The following UNC13B variants were observed in gnomAD, a reference collection of about 807,000 sequenced individuals.
The protein encoded by UNC13B is protein unc-13 homolog B.
Under a neutral mutation model 211.0 loss-of-function variants are expected in UNC13B, and 144 were observed. The ratio of observed to expected loss-of-function variants is 0.68; its 90% CI spans 0.60 to 0.78. The LOEUF is 0.78. Among genes scored for constraint, UNC13B ranks in the 30% least tolerant of loss-of-function variants. The pLI, the probability that UNC13B is intolerant of heterozygous loss-of-function variation, is 0.00. For missense variants in UNC13B, 1,777 were observed against 2,002.0 expected (o/e 0.89, Z 2.14); for synonymous variants, 709 against 725.8 (o/e 0.98, Z 0.37).
chr9:35,334,145 T>C (rs892447932), intron 11 of UNC13B, among the ~76,000 whole-genome samples: 2 of 152,140 alleles, frequency 1.3e-5, no homozygotes, highest in African/African-American at 4.8e-5. Flanking sequence ...TTTATATTTT[T>C]AGTAGAGACA....
At chr9:35,396,800 A>C in intron 27 of UNC13B, 41 bp from the exon 28 acceptor site, 1 of 1,612,704 alleles carries the variant, frequency 6.2e-7, no homozygotes, top group Non-Finnish European at 8.5e-7. Flanking sequence ...GCGTATTCCC[A>C]CCGCTAGTTC....
intron 7 of UNC13B, among the ~76,000 whole-genome samples, chr9:35,281,577 T>A (rs1828496907): frequency 6.6e-6 from 1 of 152,210 alleles, no homozygotes; most frequent in Non-Finnish European, 1.5e-5. Flanking sequence ...TTGGGATGGT[T>A]AGGAACTGCT....
At position 35,305,083 on chromosome 9, in the gene UNC13B, G is replaced by A. The variant is rs2131839550; in HGVS notation, c.5679G>A (p.Gly1893=). The A allele has an allele frequency of 2.5e-6, 1 of 398,888 alleles. No individual in the cohort carries two copies. Among genetic ancestry groups the A allele is most frequent in the East Asian group, 3.6e-5 (1 of 28,076 alleles). 24.7% of individuals were successfully genotyped at this position (398,888 alleles called of 1,614,324 possible). The change falls in exon 9 of 40, where the codon GGG becomes GGA. Residue 1893 remains glycine, a synonymous_variant. Coordinates refer to ENST00000635942, the MANE Select transcript of UNC13B (RefSeq NM_001371189.2). ...ISVSPAPQHS[G]DERENYELPQ... ...TTTCTCCTGCACCTCAGCATAGTGG[G>A]GATGAGCGTGAGAATTATGAGCTTC...
At chr9:35,259,694 C>G (rs971188145) in intron 7 of UNC13B, among the ~76,000 whole-genome samples, 13 of 149,980 alleles carry the variant, frequency 8.7e-5, no homozygotes, top group African/African-American at 3.0e-4. Flanking sequence ...TCCCCAGTTT[C>G]CCTCAAAACA....
rs181962943 is a variant in UNC13B, at chr9:35,331,646, C to T, written c.9414+17657C>T. On this transcript the variant is annotated intron_variant, in intron 11 of 39. Coordinates refer to ENST00000635942, the MANE Select transcript of UNC13B (RefSeq NM_001371189.2). ...TCCTATTCTCCAAGAGCTTATAGGCCAGAGGGGAGGTAGAAATAATTAACA... is the reference window on the plus strand; with the variant it reads ...TCCTATTCTCCAAGAGCTTATAGGCTAGAGGGGAGGTAGAAATAATTAACA... 6.6e-5 allele frequency among the ~76,000 whole-genome samples: 10 copies of T among 152,280 alleles called. No homozygotes were observed. The East Asian group carries it at 9.6e-4, about 15-fold the overall frequency.
chr9:35,171,584 T>C (rs985052322), intron 1 of UNC13B, among the ~76,000 whole-genome samples: 3 of 152,114 alleles, frequency 2.0e-5, no homozygotes, highest in Admixed American at 6.5e-5. Context: ...GAAAATTTTT[T>C]TGTAGAGATG....
intron 26 of UNC13B, among the ~76,000 whole-genome samples, chr9:35,396,094 G>C (rs1163335561): frequency 6.6e-6 from 1 of 152,176 alleles, no homozygotes; most frequent in Non-Finnish European, 1.5e-5. Flanking sequence ...TGATCAGAAA[G>C]GCCCTGGAAA....
Position 35,300,249 on chromosome 9 carries a change from A to G in UNC13B, c.845A>G (p.Gln282Arg). ...YNHFEDSERR[Q>R]YGERSETKTN... is the part of the protein sequence containing the mutation. ...CATTTTGAAGACAGTGAAAGAAGGC[A>G]ATATGGTGAGAGATCTGAAACTAAG... The change falls in exon 9 of 40, where the codon CAA (glutamine) becomes CGA (arginine). Residue 282 changes from glutamine (Q) to arginine (R), a missense_variant. By Grantham distance (43) the Gln-to-Arg change is conservative. Coordinates refer to ENST00000635942, the MANE Select transcript of UNC13B (RefSeq NM_001371189.2). 1 of 398,942 alleles carries G rather than the reference A, an allele frequency of 2.5e-6. No individual in the cohort carries two copies. The highest frequency in any genetic ancestry group is 4.4e-5 in the Admixed American group (1 of 22,740). The allele number at this position is 398,942 out of a possible 1,614,324, so 24.7% of individuals were successfully genotyped here.
intron 31 of UNC13B, 66 bp from the exon 32 acceptor site, chr9:35,398,488 G>A: frequency 6.6e-7 from 1 of 1,507,352 alleles, no homozygotes; most frequent in Non-Finnish European, 9.2e-7. Flanking sequence ...GGAAGTAGTA[G>A]GGGTGTGGCA....
intron 6 of UNC13B, among the ~76,000 whole-genome samples, chr9:35,251,715 C>G (rs1189067817): frequency 6.6e-6 from 1 of 151,602 alleles, no homozygotes; most frequent in Non-Finnish European, 1.5e-5. Context: ...TTAATAATTT[C>G]TTAGTGTCAT....
At chr9:35,339,232 G>C (rs1169465938) in intron 11 of UNC13B, among the ~76,000 whole-genome samples, 3 of 152,156 alleles carry the variant, frequency 2.0e-5, no homozygotes, top group East Asian at 1.9e-4. Context: ...TGTTTTTCCA[G>C]TTCTGCCCAG....
At chr9:35,242,898 C>G (rs1204253757) in intron 5 of UNC13B, among the ~76,000 whole-genome samples, 2 of 152,252 alleles carry the variant, frequency 1.3e-5, no homozygotes, top group Non-Finnish European at 2.9e-5. Context: ...CAGCATATAA[C>G]TTTTCTTTTA....
chr9:35,404,045 T>C lies in UNC13B; in HGVS notation c.*12T>C, dbSNP rs760300261. Reference sequence around the variant, plus strand: ...AGGAGGGGAGCTGAACACCTTCGACTCCTGTGCCAATCAGGCAGCAGCAAT... The same window carrying C: ...AGGAGGGGAGCTGAACACCTTCGACCCCTGTGCCAATCAGGCAGCAGCAAT... On this transcript the variant is annotated 3_prime_UTR_variant, in exon 40 of 40. Transcript: ENST00000635942. The C allele has an allele frequency of 1.9e-6, 3 of 1,606,896 alleles. No individual in the cohort carries two copies. The highest frequency in any genetic ancestry group is 2.6e-6 in the Non-Finnish European group (3 of 1,175,974).
chr9:35,362,908 T>C (rs1490037692), intron 11 of UNC13B, among the ~76,000 whole-genome samples: 1 of 152,130 alleles, frequency 6.6e-6, no homozygotes, highest in African/African-American at 2.4e-5. Flanking sequence ...AGGATGAATG[T>C]AACTTAGGTG....
intron 1 of UNC13B, among the ~76,000 whole-genome samples, chr9:35,164,079 C>T (rs1219531744): frequency 1.3e-5 from 2 of 152,112 alleles, no homozygotes; most frequent in African/African-American, 2.4e-5. Flanking sequence ...TGCAGTGCTG[C>T]GATCTTGGCT....
In UNC13B at chr9:35,295,827, G is replaced by T; in HGVS notation, c.658G>T (p.Val220Leu). ...TTCTGTGCACCAGTTCCCTGTGCCG[G>T]TGCGATCGCCACAGCAGCTGCTACT... ...NASVHQFPVP[V>L]RSPQQLLLQG... The change falls in exon 8 of 40, where the codon GTG becomes TTG. Residue 220 changes from valine to leucine, a missense_variant. Coordinates refer to ENST00000635942, the MANE Select transcript of UNC13B (RefSeq NM_001371189.2). 2 of 1,614,130 alleles carry T rather than the reference G, an allele frequency of 1.2e-6. No homozygotes were observed. Among genetic ancestry groups the T allele is most frequent in the Non-Finnish European group, 8.5e-7 (1 of 1,180,028 alleles).
intron 9 of UNC13B, among the ~76,000 whole-genome samples, chr9:35,310,060 T>C (rs1429017807): frequency 1.3e-5 from 2 of 152,238 alleles, no homozygotes; most frequent in Non-Finnish European, 2.9e-5. Flanking sequence ...GTGGAGTTCA[T>C]TCATTCCATT....
Position 35,237,776 on chromosome 9 carries a change from A to G in UNC13B, c.344A>G (p.Asn115Ser), listed in dbSNP as rs763927171. Residue 115 changes from asparagine (N) to serine (S), a missense_variant, in exon 5 of 40, where the codon AAC (asparagine) becomes AGC (serine). Coordinates refer to ENST00000635942, the MANE Select transcript of UNC13B (RefSeq NM_001371189.2). ...MKDDEICGTR[N>S]PTPHKILLDT... is the part of the protein sequence containing the mutation. ...GACGATGAGATCTGTGGAACTAGAA[A>G]CCCAACTCCTCATAAAATTTTGCTT... 2 of 1,613,932 alleles carry G rather than the reference A, an allele frequency of 1.2e-6. No homozygotes were observed. Among genetic ancestry groups the G allele is most frequent in the Non-Finnish European group, 1.7e-6 (2 of 1,179,954 alleles).
At chr9:35,242,290 T>C (rs1221068724) in intron 5 of UNC13B, among the ~76,000 whole-genome samples, 1 of 152,192 alleles carries the variant, frequency 6.6e-6, no homozygotes, top group Non-Finnish European at 1.5e-5. Flanking sequence ...AAATTTTTAA[T>C]TGTGGTAAGA....
Sources: allele counts gnomAD v4.1 joint callset (sites outside exome capture counted in the v4.1 genomes callset), GRCh38; gene constraint gnomAD v4.1.1; transcripts MANE v1.5; gene names NCBI Gene and HGNC (gene_info 2026-07-23, HGNC 2026-07-21).